Variants in NFATC2 observed in about 807,000 individuals in gnomAD.
NFATC2 encodes the protein nuclear factor of activated T cells 2, also known as nuclear factor of activated T-cells, cytoplasmic 2.
A neutral mutation model predicts 87.3 loss-of-function variants in NFATC2; 22 were observed. The ratio of observed to expected loss-of-function variants is 0.25; its 90% confidence interval spans 0.18 to 0.36. NFATC2 has a LOEUF of 0.36. Among genes scored for constraint, NFATC2 ranks in the 10% least tolerant of loss-of-function variants. The pLI is 1.00. For synonymous variants in NFATC2, 565 were observed against 542.2 expected (o/e 1.04, Z -0.58); for missense variants, 1,149 against 1,259.1 (o/e 0.91, Z 1.32).
At chr20:51,435,075 G>A in intron 8 of NFATC2, 113 bp downstream of exon 8, 2 of 1,317,854 alleles carry the variant, frequency 1.5e-6, no homozygotes, top group Admixed American at 2.2e-5. Context: ...GAGGCTCAGA[G>A]AGGTTGAGTC....
chr20:51,392,786 T>C (rs879279626), intron 10 of NFATC2, among the ~76,000 whole-genome samples: 2 of 152,182 alleles, frequency 1.3e-5, no homozygotes, highest in Admixed American at 6.5e-5. Flanking sequence ...AGTTTCTCCA[T>C]GGTCAAAGCT....
At position 51,450,085 on chromosome 20, in the gene NFATC2, G is replaced by C. The variant is rs940461023; in HGVS notation, c.1849+4463C>G. ...CTGAGCCCTATGCAAAGCACCCAAC[G>C]TGTATAATCTCATTTAATCTTGCCT... On this transcript the variant is annotated intron_variant, in intron 6 of 10. Coordinates refer to ENST00000371564, the MANE Select transcript of NFATC2 (RefSeq NM_012340.5). Among the ~76,000 whole-genome samples the C allele has an allele frequency of 2.0e-5, 3 of 152,144 alleles. No individual in the cohort carries two copies. The East Asian group carries it at 5.8e-4, about 29-fold the overall frequency.
intron 3 of NFATC2, among the ~76,000 whole-genome samples, chr20:51,502,539 T>C (rs8120679): frequency 0.025 from 3,870 of 152,288 alleles, 147 homozygotes; most frequent in African/African-American, 0.087. Context: ...TCTGGTAATG[T>C]TGCCCAAGCT....
intron 9 of NFATC2, among the ~76,000 whole-genome samples, chr20:51,412,506 C>T (rs1427717264): frequency 1.3e-5 from 2 of 152,052 alleles, no homozygotes; most frequent in African/African-American, 2.4e-5. Flanking sequence ...TTCTCAGAAC[C>T]CTGGCAGCCT....
rs770409616 is a variant in NFATC2 at position 51,523,960 on chromosome 20, G to A, written c.281C>T (p.Pro94Leu). ...GRFGEPDRVG[P>L]QKFLSAAKPA... ...CTTGGCCGCGCTCAGAAACTTCTGC[G>A]GCCCTACCCTATCCGGCTCTCCGAA... is the stretch of plus-strand genomic sequence containing the variant. The change falls in exon 2 of 11, where the codon CCG becomes CTG. Residue 94 changes from proline to leucine, a missense_variant. Physicochemically the swap from Pro to Leu is moderately conservative, Grantham distance 98 (BLOSUM62 -3). This residue lies in a region of NFATC2 where 563 missense variants were observed against 585.2 expected (regional missense o/e 0.96). Transcript: ENST00000371564. The surrounding 1 kb of genome is among the most constrained non-coding windows in gnomAD (Gnocchi z 6.9). 1.3e-6 allele frequency: 2 copies of A among 1,588,730 alleles called. No individual in the cohort carries two copies. The highest frequency in any genetic ancestry group is 4.0e-5 in the Admixed American group (2 of 50,530).
rs114757263 is a variant in NFATC2 at position 51,502,639 on chromosome 20, C to T, written c.1332+14145G>A. On this transcript the variant is annotated intron_variant, in intron 3 of 10. Coordinates refer to ENST00000371564, the MANE Select transcript of NFATC2 (RefSeq NM_012340.5). Reference sequence around the variant, plus strand: ...GCATGAGCCACCATGCCTGGCCCTGCTGTATCATTTTCTGATGGATAGAGG... The same window carrying T: ...GCATGAGCCACCATGCCTGGCCCTGTTGTATCATTTTCTGATGGATAGAGG... Among the ~76,000 whole-genome samples the T allele has an allele frequency of 5.1e-3, 778 of 152,192 alleles. 12 individuals are homozygous for T. Among genetic ancestry groups the T allele is most frequent in the African/African-American group, 0.017 (724 of 41,518 alleles).
intron 3 of NFATC2, among the ~76,000 whole-genome samples, chr20:51,508,534 G>A (rs2076221599): frequency 6.6e-6 from 1 of 152,050 alleles, no homozygotes; most frequent in Non-Finnish European, 1.5e-5. Flanking sequence ...GAGGTGGTGA[G>A]GATGGCTCCT....
At position 51,511,333 on chromosome 20, in the gene NFATC2, C is replaced by T. The variant is rs114048605; in HGVS notation, c.1332+5451G>A. Among the ~76,000 whole-genome samples, 823 of 152,244 alleles carry T rather than the reference C, an allele frequency of 5.4e-3. 5 individuals are homozygous for T. The highest frequency in any genetic ancestry group is 0.018 in the African/African-American group (754 of 41,536). ...TTAGTCCACTGCTTCTAGAGAGAGG[C>T]GCATTGTTACTGAGGGTGTGGACAG... On this transcript the variant is annotated intron_variant, in intron 3 of 10. Coordinates refer to ENST00000371564, the MANE Select transcript of NFATC2 (RefSeq NM_012340.5).
chr20:51,425,251 T>G (rs937575397), intron 9 of NFATC2, among the ~76,000 whole-genome samples: 2 of 152,228 alleles, frequency 1.3e-5, no homozygotes, highest in Admixed American at 1.3e-4. Context: ...AAAGATACAT[T>G]TTTAAATGAA....
At chr20:51,419,799 G>A (rs548052153) in intron 9 of NFATC2, among the ~76,000 whole-genome samples, 2 of 152,222 alleles carry the variant, frequency 1.3e-5, no homozygotes, top group Admixed American at 1.3e-4. Context: ...CCCTTCTCAC[G>A]TGTAGGAGAT....
rs1986268119 is a variant in NFATC2 at position 51,391,141 on chromosome 20, C to G, written c.*355G>C. The G allele has an allele frequency of 1.6e-6, 1 of 636,618 alleles. No homozygotes were observed. Among genetic ancestry groups the G allele is most frequent in the Non-Finnish European group, 2.9e-6 (1 of 344,240 alleles). The allele number at this position is 636,618 out of a possible 1,614,324, so 39.4% of individuals were successfully genotyped here. On this transcript the variant is annotated 3_prime_UTR_variant, in exon 11 of 11. Transcript: ENST00000371564. ...TGTGCTTTTGGTCAGCAGGTGCTTA[C>G]TATTTGGACGGAACACCATTAAGAT...
intron 9 of NFATC2, among the ~76,000 whole-genome samples, chr20:51,405,930 C>T (rs919771932): frequency 6.6e-6 from 1 of 152,208 alleles, no homozygotes; most frequent in Non-Finnish European, 1.5e-5. Context: ...GTGTCCGCCA[C>T]CATGCCCGGC....
intron 9 of NFATC2, among the ~76,000 whole-genome samples, chr20:51,407,939 T>C (rs1230895851): frequency 6.6e-6 from 1 of 152,236 alleles, no homozygotes; most frequent in Non-Finnish European, 1.5e-5. Flanking sequence ...AAGCAGGTTT[T>C]AAGAGCAGCA....
intron 8 of NFATC2, among the ~76,000 whole-genome samples, chr20:51,433,761 G>GCA (rs758290399): frequency 4.4e-5 from 4 of 91,634 alleles, no homozygotes; most frequent in African/African-American, 2.4e-4. Context: ...ATGCATGCAT[G>GCA]TGTGTGTGTG....
chr20:51,444,224 C>T (rs948108179), intron 6 of NFATC2, among the ~76,000 whole-genome samples: 16 of 152,002 alleles, frequency 1.1e-4, no homozygotes, highest in African/African-American at 3.9e-4. Flanking sequence ...TCAGGTGATC[C>T]GCCCGCCTTG....
chr20:51,398,707 A>G lies in NFATC2; in HGVS notation c.2746T>C (p.Trp916Arg), dbSNP rs1333975695. Residue 916 changes from tryptophan (W) to arginine (R), a missense_variant, in exon 10 of 11, where the codon TGG (tryptophan) becomes CGG (arginine). Trp to Arg is a moderately radical substitution (Grantham distance 101, BLOSUM62 -3). Coordinates refer to ENST00000371564, the MANE Select transcript of NFATC2 (RefSeq NM_012340.5). ...DDELIDTHLS[W>R]IQNIL The stretch of plus-strand genomic sequence containing the variant: ...CTGTTTCATAATATGTTTTGTATCC[A>G]GCTAAGGTGTGTGTCTATCAGCTCT... The G allele has an allele frequency of 6.2e-7, 1 of 1,613,192 alleles. No individual in the cohort carries two copies. The highest frequency in any genetic ancestry group is 1.1e-5 in the South Asian group (1 of 90,990).
intron 4 of NFATC2, among the ~76,000 whole-genome samples, chr20:51,474,521 C>G (rs1428477308): frequency 5.9e-5 from 9 of 152,146 alleles, no homozygotes; most frequent in Non-Finnish European, 1.3e-4. Context: ...TGAGAGCATC[C>G]TTGCTCTTAG....
rs117647688 is a variant in NFATC2, at chr20:51,419,823, C to A, written c.2722+12244G>T. 2.6e-5 allele frequency among the ~76,000 whole-genome samples: 4 copies of A among 152,202 alleles called. No individual in the cohort carries two copies. In the East Asian group the frequency reaches 5.8e-4, roughly 22 times the overall value. On this transcript the variant is annotated intron_variant, in intron 9 of 10. Coordinates refer to ENST00000371564, the MANE Select transcript of NFATC2 (RefSeq NM_012340.5). Reference sequence around the variant, plus strand: ...CGTGTAGGAGATGTGATCCTCAGTTCACATGTAGGATTATTTCCTCCCTCA... The same window carrying A: ...CGTGTAGGAGATGTGATCCTCAGTTAACATGTAGGATTATTTCCTCCCTCA...
chr20:51,494,614 A>G (rs1250467405), intron 3 of NFATC2, among the ~76,000 whole-genome samples: 2 of 152,072 alleles, frequency 1.3e-5, no homozygotes, highest in African/African-American at 4.8e-5. Context: ...ACGCGCCTTG[A>G]GGGACTGGCA....
Sources: allele counts gnomAD v4.1 joint callset (sites outside exome capture counted in the v4.1 genomes callset), GRCh38; gene constraint gnomAD v4.1.1; regional missense constraint gnomAD v4.1.1; non-coding constraint Gnocchi (gnomAD v3.1); transcripts MANE v1.5; gene names NCBI Gene and HGNC (gene_info 2026-07-23, HGNC 2026-07-21).